Variants in GPHN observed in about 807,000 individuals in gnomAD.
GPHN encodes gephyrin.
Under a neutral mutation model 95.5 loss-of-function variants are expected in GPHN, and 17 were observed. The ratio of observed to expected loss-of-function variants is 0.18; its 90% confidence interval spans 0.12 to 0.27. The LOEUF (loss-of-function observed/expected upper bound fraction) is 0.27, where lower values mean the gene tolerates loss of function less well. Among genes scored for constraint, GPHN ranks in the 10% least tolerant of loss-of-function variants. The pLI is 1.00. For synonymous variants in GPHN, 320 were observed against 322.5 expected (o/e 0.99, Z 0.08); for missense variants, 660 against 978.1 (o/e 0.67, Z 4.34).
the GPHN span, among the ~76,000 whole-genome samples, chr14:67,409,579 C>G: frequency 6.6e-6 from 1 of 152,164 alleles, no homozygotes; most frequent in African/African-American, 2.4e-5. Flanking sequence ...GCTCACGGCT[C>G]ATCCCCCACT....
At chr14:67,388,839 C>G in the GPHN span, among the ~76,000 whole-genome samples, 6 of 152,050 alleles carry the variant, frequency 3.9e-5, no homozygotes, top group Admixed American at 6.6e-5. Context: ...GCCACCACAC[C>G]TGGCTAATTT....
chr14:66,673,068 C>T (rs2066390840), intron 1 of GPHN, among the ~76,000 whole-genome samples: 1 of 151,826 alleles, frequency 6.6e-6, no homozygotes, highest in Admixed American at 6.6e-5. Context: ...ATAGCATTAT[C>T]AGTTAGGCCT....
chr14:67,686,979 G>A, the GPHN span, among the ~76,000 whole-genome samples: 7 of 152,142 alleles, frequency 4.6e-5, no homozygotes, highest in Non-Finnish European at 5.9e-5. Context: ...TAGTAATGCA[G>A]ACTCAGAGGT....
At chr14:67,466,622 G>A in the GPHN span, among the ~76,000 whole-genome samples, 58 of 152,286 alleles carry the variant, frequency 3.8e-4, no homozygotes, top group African/African-American at 1.1e-3. Context: ...CACTCACTAC[G>A]TGCTTCCTTT....
At chr14:66,675,430 C>A (rs1273452886) in intron 1 of GPHN, among the ~76,000 whole-genome samples, 1 of 152,120 alleles carries the variant, frequency 6.6e-6, no homozygotes, top group East Asian at 1.9e-4. Context: ...AGGTGTGAAC[C>A]ACCGCTCCCG....
chr14:67,645,212 C>T, the GPHN span, among the ~76,000 whole-genome samples: 6 of 151,182 alleles, frequency 4.0e-5, no homozygotes, highest in Admixed American at 3.3e-4. Flanking sequence ...CAGGGTGTGA[C>T]TATTTTGCCC....
chr14:67,725,377 C>G, the GPHN span: 7 of 987,060 alleles, frequency 7.1e-6, no homozygotes, highest in East Asian at 1.8e-4. Flanking sequence ...GGTTCTGCCA[C>G]ATGAACCAGC....
At chr14:67,365,861 A>ATTT in the GPHN span, among the ~76,000 whole-genome samples, 1 of 151,930 alleles carries the variant, frequency 6.6e-6, no homozygotes, top group African/African-American at 2.4e-5. Flanking sequence ...TGACATTTTA[A>ATTT]TTTTTTTTAT....
At chr14:67,157,048 T>C (rs982306366) in intron 18 of GPHN, among the ~76,000 whole-genome samples, 3 of 152,044 alleles carry the variant, frequency 2.0e-5, no homozygotes, top group Non-Finnish European at 2.9e-5. Context: ...TTCTGGATTT[T>C]TAAAAAAACA....
chr14:67,687,200 GA>G, the GPHN span, among the ~76,000 whole-genome samples: 6 of 152,174 alleles, frequency 3.9e-5, no homozygotes, highest in Non-Finnish European at 8.8e-5. Context: ...CTCTGCTGAT[GA>G]AATCAACTGC....
chr14:67,247,146 A>G, the GPHN span, among the ~76,000 whole-genome samples: 2 of 152,232 alleles, frequency 1.3e-5, no homozygotes, highest in Non-Finnish European at 2.9e-5. Context: ...GATAATTGAC[A>G]TCTTAATAAT....
rs938797560 is a variant in GPHN, at chr14:66,776,362, A to C, written c.144-102A>C. 42 of 794,606 alleles carry C rather than the reference A, an allele frequency of 5.3e-5. No homozygotes were observed. In the Middle Eastern group the frequency reaches 4.0e-3, roughly 76 times the overall value. 49.2% of individuals were successfully genotyped at this position (794,606 alleles called of 1,614,324 possible). On this transcript the variant is annotated intron_variant, in intron 2 of 22. Transcript: ENST00000478722. ...TTCCTCCATGGTTGTTGGGGTGAATACTGGGAGTTATTGGTAGCATTCTGA... is the reference window on the plus strand; with the variant it reads ...TTCCTCCATGGTTGTTGGGGTGAATCCTGGGAGTTATTGGTAGCATTCTGA...
the GPHN span, chr14:67,384,380 T>TC: frequency 2.3e-4 from 35 of 151,956 alleles, no homozygotes; most frequent in African/African-American, 8.5e-4. Flanking sequence ...TTTTTTTTTT[T>TC]ACATGTTTCC....
chr14:67,662,772 C>T, the GPHN span, among the ~76,000 whole-genome samples: 1 of 151,988 alleles, frequency 6.6e-6, no homozygotes, highest in South Asian at 2.1e-4. Flanking sequence ...GGCGTGGTGG[C>T]AGGCACCTGT....
At chr14:66,515,634 A>G (rs2058210755) in intron 1 of GPHN, among the ~76,000 whole-genome samples, 1 of 152,190 alleles carries the variant, frequency 6.6e-6, no homozygotes, top group Non-Finnish European at 1.5e-5. Context: ...TAGGAGTCAA[A>G]AGTTATGCCT....
chr14:67,518,121 A>C, the GPHN span, among the ~76,000 whole-genome samples: 5 of 152,184 alleles, frequency 3.3e-5, no homozygotes, highest in African/African-American at 1.2e-4. Context: ...TACAGGGTGA[A>C]GGTGAAGGGG....
chr14:67,631,252 T>C, the GPHN span, among the ~76,000 whole-genome samples: 564 of 152,324 alleles, frequency 3.7e-3, 2 homozygotes, highest in African/African-American at 0.013. Context: ...TGTGGCTTCG[T>C]AGGCCATCAT....
the GPHN span, among the ~76,000 whole-genome samples, chr14:67,265,814 G>A: frequency 3.9e-3 from 580 of 147,572 alleles, 18 homozygotes; most frequent in East Asian, 0.056. Context: ...CCAAAATCGC[G>A]CCACTGCACT....
chr14:66,904,143 C>T (rs142668805), intron 5 of GPHN, among the ~76,000 whole-genome samples: 149 of 152,168 alleles, frequency 9.8e-4, no homozygotes, highest in African/African-American at 3.4e-3. Flanking sequence ...AGAATGAAGC[C>T]GCGGACCTTT....
Sources: allele counts gnomAD v4.1 joint callset (sites outside exome capture counted in the v4.1 genomes callset), GRCh38; gene constraint gnomAD v4.1.1; transcripts MANE v1.5; gene names NCBI Gene and HGNC (gene_info 2026-07-23, HGNC 2026-07-21).